Variants in CDH18 observed in about 807,000 individuals in gnomAD.
The protein encoded by CDH18 is cadherin 18.
A neutral mutation model predicts 67.9 loss-of-function variants in CDH18; 31 were observed. The ratio of observed to expected loss-of-function variants is 0.46; its 90% CI spans 0.34 to 0.62. The LOEUF is 0.62. Among genes scored for constraint, CDH18 ranks in the 20% least tolerant of loss-of-function variants. The probability of loss-of-function intolerance (pLI) is 0.01; values close to 1 mark genes in which losing one functional copy is unlikely to be tolerated. For missense variants in CDH18, 890 were observed against 975.5 expected (o/e 0.91, Z 1.17); for synonymous variants, 362 against 347.2 (o/e 1.04, Z -0.48).
intron 2 of CDH18, among the ~76,000 whole-genome samples, chr5:19,975,690 T>G (rs963311631): frequency 1.3e-5 from 2 of 152,190 alleles, no homozygotes; most frequent in Non-Finnish European, 2.9e-5. Flanking sequence ...TAGAGTTTAT[T>G]GATTAGAACA....
intron 7 of CDH18, among the ~76,000 whole-genome samples, chr5:19,580,260 C>T (rs998494899): frequency 6.6e-6 from 1 of 151,738 alleles, no homozygotes; most frequent in Admixed American, 6.6e-5. Flanking sequence ...AAAATAATTT[C>T]CCATGCAAAT....
At chr5:19,748,045 G>A (rs1057030982) in intron 3 of CDH18, among the ~76,000 whole-genome samples, 6 of 136,568 alleles carry the variant, frequency 4.4e-5, no homozygotes, top group Non-Finnish European at 6.1e-5. Flanking sequence ...CCTGGGAGGC[G>A]GAGCTTGCAG....
At chr5:19,813,764 T>C (rs188430031) in intron 3 of CDH18, among the ~76,000 whole-genome samples, 3 of 152,274 alleles carry the variant, frequency 2.0e-5, no homozygotes, top group Non-Finnish European at 2.9e-5. Context: ...ACACTGAATA[T>C]ACATATTTTG....
At chr5:19,513,177 A>G (rs543452492) in intron 10 of CDH18, among the ~76,000 whole-genome samples, 4 of 152,016 alleles carry the variant, frequency 2.6e-5, no homozygotes, top group Non-Finnish European at 4.4e-5. Flanking sequence ...GCAGGATCAC[A>G]GCTCACTACA....
intron 11 of CDH18, among the ~76,000 whole-genome samples, chr5:19,484,909 A>G (rs1740118626): frequency 6.6e-6 from 1 of 152,200 alleles, no homozygotes; most frequent in African/African-American, 2.4e-5. Context: ...TTTTGCACTA[A>G]AAAGTAAGTG....
At chr5:19,582,930 T>C (rs549179341) in intron 7 of CDH18, among the ~76,000 whole-genome samples, 9 of 151,908 alleles carry the variant, frequency 5.9e-5, no homozygotes, top group Non-Finnish European at 1.3e-4. Flanking sequence ...GTAGAATAAA[T>C]CTAGTATGGT....
intron 5 of CDH18, among the ~76,000 whole-genome samples, chr5:19,686,833 A>G (rs980651682): frequency 6.6e-6 from 1 of 152,160 alleles, no homozygotes; most frequent in African/African-American, 2.4e-5. Flanking sequence ...AAAAAAAAAT[A>G]AAAAATTATT....
At chr5:19,957,499 T>G (rs1796366868) in intron 2 of CDH18, among the ~76,000 whole-genome samples, 1 of 151,872 alleles carries the variant, frequency 6.6e-6, no homozygotes. Flanking sequence ...GAATAATCTT[T>G]TCTAAGTTTT....
intron 1 of CDH18, among the ~76,000 whole-genome samples, chr5:20,316,423 A>G: frequency 6.6e-6 from 1 of 152,218 alleles, no homozygotes; most frequent in African/African-American, 2.4e-5. Context: ...TTGTATTCAG[A>G]TTACTCCAGT....
chr5:19,524,556 T>C (rs1013678184), intron 9 of CDH18, among the ~76,000 whole-genome samples: 5 of 152,068 alleles, frequency 3.3e-5, no homozygotes, highest in Admixed American at 2.0e-4. Context: ...TATATTCTAC[T>C]TCTTTTGACT....
intron 2 of CDH18, among the ~76,000 whole-genome samples, chr5:19,967,879 T>G (rs1181786698): frequency 6.6e-6 from 1 of 152,062 alleles, no homozygotes; most frequent in Non-Finnish European, 1.5e-5. Flanking sequence ...GGTTTTCAAT[T>G]AGGAAAAGAG....
chr5:20,019,338 A>C (rs1738187482), intron 2 of CDH18, among the ~76,000 whole-genome samples: 1 of 152,178 alleles, frequency 6.6e-6, no homozygotes, highest in Non-Finnish European at 1.5e-5. Flanking sequence ...CTTTTTACGG[A>C]TGATATATGG....
chr5:20,528,661 A>G (rs1320908091), intron 1 of CDH18, among the ~76,000 whole-genome samples: 2 of 152,066 alleles, frequency 1.3e-5, no homozygotes, highest in East Asian at 3.9e-4. Context: ...TTCCAAGTAA[A>G]TGACAAAATT....
At chr5:20,158,987 C>T (rs1751768963) in intron 2 of CDH18, 2 of 159,260 alleles carry the variant, frequency 1.3e-5, no homozygotes, top group Admixed American at 6.5e-5. Flanking sequence ...CCAGGGTTGA[C>T]CAAAGATTTG....
At chr5:19,667,897 A>T (rs1428647498) in intron 5 of CDH18, among the ~76,000 whole-genome samples, 1 of 151,928 alleles carries the variant, frequency 6.6e-6, no homozygotes, top group East Asian at 1.9e-4. Flanking sequence ...TTTCTATGCT[A>T]GAGGGATATT....
intron 1 of CDH18, among the ~76,000 whole-genome samples, chr5:20,406,526 T>C (rs976319726): frequency 6.6e-6 from 1 of 151,764 alleles, no homozygotes; most frequent in African/African-American, 2.4e-5. Flanking sequence ...TGTATACATA[T>C]GTAATGAACC....
At chr5:19,555,918 G>A (rs1386919516) in intron 8 of CDH18, among the ~76,000 whole-genome samples, 2 of 152,166 alleles carry the variant, frequency 1.3e-5, no homozygotes, top group Non-Finnish European at 2.9e-5. Flanking sequence ...ATCCACAGCT[G>A]AGAGACCTGA....
chr5:20,095,335 GAAAGAAAGAAAGAAAGAAAGAA>G lies in CDH18; in HGVS notation c.-517-103343_-517-103322del, dbSNP rs1561785893. Among the ~76,000 whole-genome samples the G allele has an allele frequency of 5.7e-5, 6 of 105,206 alleles. 1 individual carries two copies. The highest frequency in any genetic ancestry group is 2.2e-4 in the African/African-American group (6 of 27,604). 69.0% of individuals were successfully genotyped at this position (105,206 alleles called of 152,430 possible). On this transcript the variant is annotated intron_variant, in intron 2 of 14. Coordinates refer to the CDH18 transcript ENST00000507958. ...AGAAAGAAAGAAAGAAAGAAAGAAA[GAAAGAAAGAAAGAAAGAAAGAA>G]AGAAAAGACAGAAGAAAGAAAGAAA... is the stretch of plus-strand genomic sequence containing the variant.
chr5:19,571,476 C>T (rs1741376542), intron 8 of CDH18, 103 bp downstream of exon 8: 1 of 1,039,016 alleles, frequency 9.6e-7, no homozygotes, highest in Non-Finnish European at 1.4e-6. Context: ...TCGTAGAAAA[C>T]AACGTAGAAA....
Sources: allele counts gnomAD v4.1 joint callset (sites outside exome capture counted in the v4.1 genomes callset), GRCh38; gene constraint gnomAD v4.1.1; transcripts MANE v1.5; gene names NCBI Gene and HGNC (gene_info 2026-07-23, HGNC 2026-07-21).